EYA2: variants seen among roughly 807,000 people sequenced by gnomAD.
The protein encoded by EYA2 is EYA transcriptional coactivator and phosphatase 2.
In EYA2, 31 loss-of-function variants were observed where a neutral mutation model predicts 69.2. That is an observed-to-expected ratio of 0.45 (90% CI 0.34 to 0.60). The LOEUF is 0.60. Ranked by LOEUF, EYA2 falls within the 20% of genes least tolerant of loss-of-function variation. EYA2 has a pLI of 0.02. For synonymous variants in EYA2, 257 were observed against 279.4 expected, an observed-to-expected ratio of 0.92 and a Z score of 0.80; for missense variants, 622 against 701.2, an observed-to-expected ratio of 0.89 and a Z score of 1.28.
At chr20:46,989,839 CT>C (rs1981536396) in intron 1 of EYA2, among the ~76,000 whole-genome samples, 161 bp from the exon 2 acceptor site, 1 of 152,150 alleles carries the variant, frequency 6.6e-6, no homozygotes, top group Non-Finnish European at 1.5e-5. Flanking sequence ...TCTCATTTCC[CT>C]TTGATGAAAA....
rs1273679667 is a variant in EYA2 at position 47,188,242 on chromosome 20, C to A, written c.*109C>A. The A allele has an allele frequency of 6.7e-6, 7 of 1,045,604 alleles. No homozygotes were observed. The East Asian group carries it at 1.6e-4, about 23-fold the overall frequency. 64.8% of individuals were successfully genotyped at this position (1,045,604 alleles called of 1,614,324 possible). On this transcript the variant is annotated 3_prime_UTR_variant, in exon 16 of 16. Transcript: ENST00000327619. ...CAGATGTTGGACACCAGGAAGGGGCCCCACAGCCGAGACGACGTGTCCAGT... is the reference window on the plus strand; with the variant it reads ...CAGATGTTGGACACCAGGAAGGGGCACCACAGCCGAGACGACGTGTCCAGT...
rs756831953 is a variant in EYA2 at position 47,172,861 on chromosome 20, G to A, written c.1192G>A (p.Val398Ile). The A allele has an allele frequency of 1.2e-5, 20 of 1,611,372 alleles. No individual in the cohort carries two copies. Among genetic ancestry groups the A allele is most frequent in the East Asian group, 4.5e-5 (2 of 44,860 alleles). The change falls in exon 12 of 16, where the codon GTT becomes ATT. Residue 398 changes from valine to isoleucine, a missense_variant. Val to Ile is a conservative substitution (Grantham distance 29). Around this residue, in one of 2 missense-constraint regions of EYA2, gnomAD observed 257 missense variants for 351.5 expected, o/e 0.73. Transcript: ENST00000327619. ...KEMYNTYKNN[V>I]GGLIGTPKRE... ...GATGTACAATACCTACAAGAACAAC[G>A]TTGGTGGTGAGTACTGTGAGCCTTG...
At chr20:47,069,282 T>C (rs775746431) in intron 5 of EYA2, among the ~76,000 whole-genome samples, 1 of 152,014 alleles carries the variant, frequency 6.6e-6, no homozygotes, top group Non-Finnish European at 1.5e-5. Context: ...TCACCTGAGG[T>C]CAGGAGTTCA....
intron 7 of EYA2, among the ~76,000 whole-genome samples, chr20:47,082,862 A>G (rs1406277653): frequency 6.6e-6 from 1 of 151,968 alleles, no homozygotes; most frequent in African/African-American, 2.4e-5. Flanking sequence ...CAGCACTGGC[A>G]TAAAAATAGA....
At chr20:47,028,196 AC>A (rs1428661773) in intron 5 of EYA2, among the ~76,000 whole-genome samples, 1 of 152,192 alleles carries the variant, frequency 6.6e-6, no homozygotes, top group Non-Finnish European at 1.5e-5. Context: ...CAGGAAGAAG[AC>A]CTTCACCAGG....
At chr20:47,113,856 GT>G (rs35238851) in intron 9 of EYA2, among the ~76,000 whole-genome samples, 31,815 of 147,602 alleles carry the variant, frequency 0.22, 3,534 homozygotes, top group Middle Eastern at 0.31. Flanking sequence ...TCCTAGATGG[GT>G]TTTTTTTTTT....
chr20:46,986,260 AC>A (rs1981174244), intron 1 of EYA2, among the ~76,000 whole-genome samples: 1 of 148,156 alleles, frequency 6.7e-6, no homozygotes, highest in Non-Finnish European at 1.5e-5. Context: ...TTATATAAAC[AC>A]TGGAGATATA....
At position 46,947,040 on chromosome 20, in the gene EYA2, A is replaced by C. The variant is rs766552149; in HGVS notation, c.-10-42961A>C. Among the ~76,000 whole-genome samples, 14 of 152,252 alleles carry C rather than the reference A, an allele frequency of 9.2e-5. 1 individual carries two copies. The highest frequency in any genetic ancestry group is 1.6e-4 in the Non-Finnish European group (11 of 68,046). Reference sequence around the variant, plus strand: ...ATGGCTGCTTTCCCACTACAACAGCAGAGCTGAGAAGTGGCGTCAGAGACC... The same window carrying C: ...ATGGCTGCTTTCCCACTACAACAGCCGAGCTGAGAAGTGGCGTCAGAGACC... On this transcript the variant is annotated intron_variant, in intron 1 of 15. Transcript: ENST00000327619.
intron 8 of EYA2, among the ~76,000 whole-genome samples, chr20:47,093,523 G>A (rs2032150621): frequency 6.6e-6 from 1 of 152,352 alleles, no homozygotes; most frequent in African/African-American, 2.4e-5. Context: ...CCGCGCAGCC[G>A]GCTCTCCCTT....
intron 4 of EYA2, among the ~76,000 whole-genome samples, chr20:47,005,814 C>A (rs1165061150): frequency 6.6e-6 from 1 of 152,250 alleles, no homozygotes; most frequent in Non-Finnish European, 1.5e-5. Context: ...ACTTGCGAAC[C>A]TGGCTCACCA....
rs112279930 is a variant in EYA2 at position 47,155,646 on chromosome 20, C to T, written c.978+12498C>T. 8.6e-5 allele frequency among the ~76,000 whole-genome samples: 13 copies of T among 151,934 alleles called. 1 individual carries two copies. The highest frequency in any genetic ancestry group is 4.6e-4 in the Admixed American group (7 of 15,276). On this transcript the variant is annotated intron_variant, in intron 10 of 15. Coordinates refer to ENST00000327619, the MANE Select transcript of EYA2 (RefSeq NM_005244.5). ...AGGCATTGCGCATGAACCATCTCACCGCATCCTCACAGCAGCCCTGCAAAG... is the reference window on the plus strand; with the variant it reads ...AGGCATTGCGCATGAACCATCTCACTGCATCCTCACAGCAGCCCTGCAAAG...
At chr20:46,897,291 G>A (rs955549084) in intron 1 of EYA2, among the ~76,000 whole-genome samples, 2 of 152,184 alleles carry the variant, frequency 1.3e-5, no homozygotes, top group Admixed American at 1.3e-4. Context: ...CTGTGGTGTA[G>A]CTAAGTACAT....
At chr20:46,895,943 C>T (rs901065075) in intron 1 of EYA2, among the ~76,000 whole-genome samples, 1 of 152,228 alleles carries the variant, frequency 6.6e-6, no homozygotes, top group East Asian at 1.9e-4. Flanking sequence ...CTGCCGCGGT[C>T]TGAATTCTTT....
intron 6 of EYA2, among the ~76,000 whole-genome samples, chr20:47,072,738 C>A (rs1054450383): frequency 6.6e-6 from 1 of 152,142 alleles, no homozygotes; most frequent in Non-Finnish European, 1.5e-5. Flanking sequence ...CTTGGTGTCA[C>A]TTACAAAGTG....
chr20:47,119,463 G>C (rs2032989394), intron 9 of EYA2, among the ~76,000 whole-genome samples: 1 of 152,208 alleles, frequency 6.6e-6, no homozygotes. Context: ...TAAATCATAG[G>C]ATAGTCATAC....
At chr20:47,039,767 T>G (rs899533772) in intron 5 of EYA2, among the ~76,000 whole-genome samples, 32 of 141,230 alleles carry the variant, frequency 2.3e-4, no homozygotes, top group Non-Finnish European at 4.1e-4. Context: ...TGTGTGACTG[T>G]GGGATATTTT....
Position 47,073,128 on chromosome 20 carries a change from C to T in EYA2, c.483+876C>T, listed in dbSNP as rs185408565. ...TGTTTTTCAAAAACACTGACCACCC[C>T]CGCAACCCCCACCCCCAGGAACTCT... On this transcript the variant is annotated intron_variant, in intron 6 of 15. Coordinates refer to ENST00000327619, the MANE Select transcript of EYA2 (RefSeq NM_005244.5). Among the ~76,000 whole-genome samples the T allele has an allele frequency of 3.8e-3, 578 of 152,280 alleles. 5 individuals are homozygous for T. Among genetic ancestry groups the T allele is most frequent in the Non-Finnish European group, 3.0e-3 (204 of 68,012 alleles).
At chr20:47,159,948 CTG>C (rs2034030111) in intron 10 of EYA2, among the ~76,000 whole-genome samples, 1 of 151,244 alleles carries the variant, frequency 6.6e-6, no homozygotes. Flanking sequence ...CAGGAAGCCA[CTG>C]TGTGGGCAGT....
At chr20:47,095,332 G>A (rs538119558) in intron 8 of EYA2, among the ~76,000 whole-genome samples, 1 of 152,074 alleles carries the variant, frequency 6.6e-6, no homozygotes, top group East Asian at 1.9e-4. Flanking sequence ...TATTTACAAG[G>A]AAAGGCAGTA....
Sources: gnomAD v4.1 joint callset for allele counts (sites outside exome capture counted in the v4.1 genomes callset) on GRCh38, gnomAD v4.1.1 for gene constraint, gnomAD v4.1.1 regional missense constraint, MANE v1.5 for transcripts, NCBI Gene and HGNC (gene_info 2026-07-23, HGNC 2026-07-21) for gene names.